The following ATP1A3 variants were observed in gnomAD, a reference collection of about 807,000 sequenced individuals.
ATP1A3 encodes ATPase Na+/K+ transporting subunit alpha 3.
A neutral mutation model predicts 108.8 loss-of-function variants in ATP1A3; 12 were observed. The ratio of observed to expected loss-of-function variants is 0.11; its 90% CI spans 0.07 to 0.18. ATP1A3 has a LOEUF of 0.18. ATP1A3 is among the 10% of genes least tolerant of loss of function. ATP1A3 has a pLI of 1.00. For synonymous variants in ATP1A3, 539 were observed against 564.5 expected, an observed-to-expected ratio of 0.95 and a Z score of 0.64; for missense variants, 498 against 1,387.7, an observed-to-expected ratio of 0.36 and a Z score of 10.19.
rs1164665759 is a variant in ATP1A3 at position 41,986,058 on chromosome 19, C to T, written c.471+58G>A. 4.2e-5 allele frequency: 68 copies of T among 1,613,928 alleles called. 1 individual carries two copies. The highest frequency in any genetic ancestry group is 5.5e-5 in the Non-Finnish European group (65 of 1,179,958). ...TCCCTCTGCCTGGGGGTCACTGGGC[C>T]CGGCCCCCAGCCCATACACTAACAC... On this transcript the variant is annotated intron_variant, in intron 5 of 22. Coordinates refer to ENST00000648268, the MANE Select transcript of ATP1A3 (RefSeq NM_152296.5).
rs576593303 is a variant in ATP1A3 at position 41,968,084 on chromosome 19, A to G, written c.2820-321T>C. ...GACACAGAGACAGGGACAGAAACAG[A>G]CACAGAGACAGGGACAGACACAGAG... On this transcript the variant is annotated intron_variant, in intron 20 of 22. Transcript: ENST00000648268. The surrounding 1 kb of genome is among the most constrained non-coding windows in gnomAD (Gnocchi z 5.0). Among the ~76,000 whole-genome samples the G allele has an allele frequency of 3.9e-5, 6 of 151,998 alleles. No homozygotes were observed. Among genetic ancestry groups the G allele is most frequent in the Non-Finnish European group, 7.4e-5 (5 of 67,976 alleles).
chr19:41,971,472 C>T (rs747852618), intron 16 of ATP1A3, among the ~76,000 whole-genome samples: 8 of 152,196 alleles, frequency 5.3e-5, no homozygotes, highest in Non-Finnish European at 1.0e-4. Context: ...CATAGCACCA[C>T]TCATCAGAGC....
chr19:41,993,742 C>T lies in ATP1A3; in HGVS notation c.6+329G>A, dbSNP rs1018563486. The T allele has an allele frequency of 2.3e-5, 14 of 602,540 alleles. No individual in the cohort carries two copies. In the South Asian group the frequency reaches 2.6e-4, roughly 11 times the overall value. 37.3% of individuals were successfully genotyped at this position (602,540 alleles called of 1,614,324 possible). On this transcript the variant is annotated intron_variant, in intron 1 of 22. Transcript: ENST00000648268. Reference sequence around the variant, plus strand: ...TCAGACACCACGGGGCCCACACACTCGCTGCCAGGGCCTGACAGAGCCAGC... The same window carrying T: ...TCAGACACCACGGGGCCCACACACTTGCTGCCAGGGCCTGACAGAGCCAGC...
intron 16 of ATP1A3, among the ~76,000 whole-genome samples, chr19:41,972,804 G>GGGAAGGAAGGAAGGAAGGAAGGAAGGAA (rs782125486): frequency 5.3e-5 from 4 of 74,872 alleles, no homozygotes; most frequent in Non-Finnish European, 1.1e-4. Flanking sequence ...AGGAAGGAAG[G>GGGAAGGAAGGAAGGAAGGAAGGAAGGAA]GGAAGGAAGG....
chr19:41,968,370 C>T lies in ATP1A3; in HGVS notation c.2819+415G>A, dbSNP rs1555859072. On this transcript the variant is annotated intron_variant, in intron 20 of 22. Coordinates refer to ENST00000648268, the MANE Select transcript of ATP1A3 (RefSeq NM_152296.5). This position sits in a 1 kb window ranked among gnomAD's most constrained non-coding sequence, Gnocchi z 5.0. ...TAAAAATACGAAAAATTAGCCGAGC[C>T]TGGTGGTGCGTACCTGTAATCCCAG... is the stretch of plus-strand genomic sequence containing the variant. Among the ~76,000 whole-genome samples the T allele has an allele frequency of 1.3e-5, 2 of 152,044 alleles. No individual in the cohort carries two copies. The highest frequency in any genetic ancestry group is 4.8e-5 in the African/African-American group (2 of 41,380).
In ATP1A3 at chr19:41,978,872, T is replaced by A. The variant is rs968877025; in HGVS notation, c.1438-74A>T. 2 of 1,513,204 alleles carry A rather than the reference T, an allele frequency of 1.3e-6. No individual in the cohort carries two copies. The highest frequency in any genetic ancestry group is 1.8e-6 in the Non-Finnish European group (2 of 1,098,932). The allele number at this position is 1,513,204 out of a possible 1,614,324, so 93.7% of individuals were successfully genotyped here. ...AAGCTCCCTGCCCCATCCTGTCCCC[T>A]GTCCAGAGCCACGGGTGCCAGGATA... On this transcript the variant is annotated intron_variant, in intron 11 of 22. Coordinates refer to ENST00000648268, the MANE Select transcript of ATP1A3 (RefSeq NM_152296.5). The surrounding 1 kb of genome is among the most constrained non-coding windows in gnomAD (Gnocchi z 8.3).
chr19:41,990,112 T>A (rs142568839), intron 1 of ATP1A3, among the ~76,000 whole-genome samples: 4 of 152,244 alleles, frequency 2.6e-5, no homozygotes, highest in African/African-American at 9.6e-5. Context: ...TCTCTGTCAT[T>A]GTGTCTCTAT....
At chr19:41,986,636 C>T (rs2075289213) in intron 4 of ATP1A3, 1 of 253,634 alleles carries the variant, frequency 3.9e-6, no homozygotes, top group Non-Finnish European at 7.7e-6. Context: ...AGAGATGGGG[C>T]TTCACCATGT....
rs1394702354 is a variant in ATP1A3 at position 41,986,015 on chromosome 19, T to G, written c.472-17A>C. 6.2e-7 allele frequency: 1 copy of G among 1,613,980 alleles called. No individual in the cohort carries two copies. The highest frequency in any genetic ancestry group is 8.5e-7 in the Non-Finnish European group (1 of 1,179,964). On this transcript the variant is annotated splice_polypyrimidine_tract_variant and intron_variant, in intron 5 of 22. Coordinates refer to ENST00000648268, the MANE Select transcript of ATP1A3 (RefSeq NM_152296.5). ...CAGGGCTTGCTGAGGTGGGATGGAG[T>G]AATGTCACCTCCCAGACTCCCTCTG... is the stretch of plus-strand genomic sequence containing the variant.
intron 1 of ATP1A3, chr19:41,993,066 C>T (rs1242087097): frequency 9.2e-6 from 2 of 217,902 alleles, no homozygotes; most frequent in African/African-American, 4.8e-5. Flanking sequence ...ATCCCTGGGC[C>T]CATCAGCCTT....
intron 1 of ATP1A3, among the ~76,000 whole-genome samples, chr19:41,991,571 G>A (rs1043703832): frequency 6.6e-6 from 1 of 152,196 alleles, no homozygotes; most frequent in Admixed American, 6.5e-5. Flanking sequence ...GTCAAGTCCT[G>A]TGCAGGAGGC....
At chr19:41,969,395 T>C (rs1216871449) in intron 19 of ATP1A3, 40 bp downstream of exon 19, 1 of 1,613,636 alleles carries the variant, frequency 6.2e-7, no homozygotes, top group Non-Finnish European at 8.5e-7. Context: ...ACCCCGGGGA[T>C]CTTACGGTGG....
intron 16 of ATP1A3, 126 bp from the exon 17 acceptor site, chr19:41,970,668 G>C: frequency 8.6e-7 from 1 of 1,168,664 alleles, no homozygotes; most frequent in South Asian, 1.5e-5. Flanking sequence ...GTCTCGCTGT[G>C]TTGCCCAGGC....
At position 41,968,400 on chromosome 19, in the gene ATP1A3, T is replaced by A. The variant is rs1216642543; in HGVS notation, c.2819+385A>T. On this transcript the variant is annotated intron_variant, in intron 20 of 22. Transcript: ENST00000648268. The surrounding 1 kb of genome is among the most constrained non-coding windows in gnomAD (Gnocchi z 5.0). Reference sequence around the variant, plus strand: ...GGTGCGTACCTGTAATCCCAGCTACTTGGGAGGCTGAGGCATGAGAATCGC... The same window carrying A: ...GGTGCGTACCTGTAATCCCAGCTACATGGGAGGCTGAGGCATGAGAATCGC... Among the ~76,000 whole-genome samples, 2 of 152,018 alleles carry A rather than the reference T, an allele frequency of 1.3e-5. No homozygotes were observed. The highest frequency in any genetic ancestry group is 2.9e-5 in the Non-Finnish European group (2 of 68,010).
In ATP1A3 at chr19:41,966,922, G is replaced by T. The variant is rs782491617; in HGVS notation, c.*15C>A. 1.1e-4 allele frequency: 163 copies of T among 1,551,304 alleles called. No homozygotes were observed. The highest frequency in any genetic ancestry group is 1.4e-4 in the Non-Finnish European group (158 of 1,146,990). Reference sequence around the variant, plus strand: ...GGGGGACGGGGAAGAGATGGGCGATGTGGTGGGGCTGAGGTCAGTAGTAGG... The same window carrying T: ...GGGGGACGGGGAAGAGATGGGCGATTTGGTGGGGCTGAGGTCAGTAGTAGG... On this transcript the variant is annotated 3_prime_UTR_variant, in exon 23 of 23. Transcript: ENST00000648268.
chr19:41,989,737 C>A (rs564050121), intron 1 of ATP1A3, among the ~76,000 whole-genome samples: 1 of 152,050 alleles, frequency 6.6e-6, no homozygotes, highest in Non-Finnish European at 1.5e-5. Flanking sequence ...TTTGTTTCAT[C>A]ATCTCTCTGT....
chr19:41,986,892 G>A (rs1449581621), intron 4 of ATP1A3, among the ~76,000 whole-genome samples: 5 of 152,070 alleles, frequency 3.3e-5, no homozygotes, highest in Admixed American at 6.5e-5. Flanking sequence ...ACAGGTGTGC[G>A]CCACCAGGCC....
rs782686338 is a variant in ATP1A3 at position 41,968,984 on chromosome 19, G to A, written c.2689-69C>T. 3.5e-5 allele frequency: 57 copies of A among 1,608,176 alleles called. No homozygotes were observed. The African/African-American group carries it at 3.9e-4, about 11-fold the overall frequency. On this transcript the variant is annotated intron_variant, in intron 19 of 22. Coordinates refer to ENST00000648268, the MANE Select transcript of ATP1A3 (RefSeq NM_152296.5). The surrounding 1 kb of genome is among the most constrained non-coding windows in gnomAD (Gnocchi z 5.0). ...CTGCAGCCCTAGCCGCCACCCCGAC[G>A]TTCCGGTGCTCTTTGCCCCGCCCCA...
At chr19:41,993,895 C>CG in intron 1 of ATP1A3, 176 bp downstream of exon 1, 1 of 1,223,700 alleles carries the variant, frequency 8.2e-7, no homozygotes. Flanking sequence ...ACAGACCCCC[C>CG]GCCGCCCCCT....
Sources: gnomAD v4.1 joint callset for allele counts (sites outside exome capture counted in the v4.1 genomes callset) on GRCh38, gnomAD v4.1.1 for gene constraint, Gnocchi (gnomAD v3.1) non-coding constraint, MANE v1.5 for transcripts, NCBI Gene and HGNC (gene_info 2026-07-23, HGNC 2026-07-21) for gene names.